The following CPA6 variants were observed in gnomAD, a reference collection of about 807,000 sequenced individuals.
CPA6 encodes carboxypeptidase B.
Under a neutral mutation model 63.3 loss-of-function variants are expected in CPA6, and 58 were observed. The observed-to-expected ratio is 0.92, with a 90% CI of 0.74 to 1.14. CPA6 has a LOEUF of 1.14. CPA6 is among the 50% of genes most tolerant of loss of function. CPA6 has a pLI of 0.00. For synonymous variants in CPA6, 185 were observed against 179.0 expected (o/e 1.03, Z -0.27); for missense variants, 565 against 526.6 (o/e 1.07, Z -0.71).
At chr8:67,577,700 A>C (rs967358273) in intron 2 of CPA6, among the ~76,000 whole-genome samples, 2 of 152,188 alleles carry the variant, frequency 1.3e-5, no homozygotes, top group African/African-American at 2.4e-5. Flanking sequence ...TTAAGCAGTA[A>C]AAATAATTCC....
intron 1 of CPA6, among the ~76,000 whole-genome samples, 182 bp from the exon 2 acceptor site, chr8:67,624,433 T>C (rs1815153016): frequency 1.3e-5 from 2 of 152,244 alleles, no homozygotes; most frequent in Admixed American, 6.5e-5. Context: ...TCTTCTTGTC[T>C]TAAAGCTATT....
intron 2 of CPA6, among the ~76,000 whole-genome samples, chr8:67,595,382 C>T (rs150144165): frequency 0.042 from 6,352 of 152,318 alleles, 228 homozygotes; most frequent in African/African-American, 0.097. Context: ...TCTCCAGCTG[C>T]ATGCTGGGAG....
At chr8:67,625,768 TCTA>T (rs1229699173) in intron 1 of CPA6, among the ~76,000 whole-genome samples, 1 of 152,140 alleles carries the variant, frequency 6.6e-6, no homozygotes, top group Non-Finnish European at 1.5e-5. Flanking sequence ...AAACAAAAAC[TCTA>T]CTATTTCACC....
intron 2 of CPA6, among the ~76,000 whole-genome samples, chr8:67,559,143 A>G (rs1050017011): frequency 6.6e-6 from 1 of 152,168 alleles, no homozygotes; most frequent in African/African-American, 2.4e-5. Flanking sequence ...GTATTTCATA[A>G]GAGTCCATTG....
At chr8:67,512,163 C>T (rs1812055376) in intron 3 of CPA6, among the ~76,000 whole-genome samples, 1 of 152,162 alleles carries the variant, frequency 6.6e-6, no homozygotes, top group African/African-American at 2.4e-5. Context: ...GGAAGGTGAA[C>T]CCAAATTCCA....
intron 2 of CPA6, among the ~76,000 whole-genome samples, chr8:67,531,197 G>T (rs574095442): frequency 6.6e-6 from 1 of 152,208 alleles, no homozygotes; most frequent in East Asian, 1.9e-4. Context: ...ATCAACAGGG[G>T]AAGGGTAAAG....
intron 1 of CPA6, among the ~76,000 whole-genome samples, chr8:67,645,965 T>A (rs1815704757): frequency 6.6e-6 from 1 of 152,206 alleles, no homozygotes; most frequent in Non-Finnish European, 1.5e-5. Flanking sequence ...CTACCCTGCC[T>A]TAACTCTGCT....
intron 6 of CPA6, among the ~76,000 whole-genome samples, chr8:67,494,009 C>T (rs969736117): frequency 1.3e-5 from 2 of 152,044 alleles, no homozygotes; most frequent in Admixed American, 1.3e-4. Context: ...TCAAGTGTAA[C>T]TGAGTTTAGT....
At chr8:67,460,980 C>T (rs1810787208) in intron 8 of CPA6, among the ~76,000 whole-genome samples, 1 of 151,620 alleles carries the variant, frequency 6.6e-6, no homozygotes, top group Non-Finnish European at 1.5e-5. Context: ...TTCCCCACCC[C>T]TTTTCCATTT....
At chr8:67,738,454 G>A (rs1053498994) in intron 1 of CPA6, among the ~76,000 whole-genome samples, 1 of 152,212 alleles carries the variant, frequency 6.6e-6, no homozygotes, top group African/African-American at 2.4e-5. Flanking sequence ...AGCCATAGCT[G>A]TTCTGGAGTT....
At chr8:67,738,395 T>C (rs1431294846) in intron 1 of CPA6, among the ~76,000 whole-genome samples, 2 of 152,192 alleles carry the variant, frequency 1.3e-5, no homozygotes, top group Non-Finnish European at 2.9e-5. Flanking sequence ...ATGTTGAGCA[T>C]GGCAGAGCTG....
chr8:67,428,256 A>G (rs1809939962), intron 9 of CPA6, 125 bp from the exon 10 acceptor site: 2 of 564,310 alleles, frequency 3.5e-6, no homozygotes, highest in Non-Finnish European at 6.2e-6. Context: ...ATATTCATTA[A>G]TAATATTATA....
intron 2 of CPA6, among the ~76,000 whole-genome samples, chr8:67,548,234 C>T (rs564797596): frequency 4.8e-5 from 7 of 145,394 alleles, no homozygotes; most frequent in Admixed American, 4.1e-4. Context: ...CCTCCCCTCC[C>T]CTCTCCTCTC....
intron 1 of CPA6, among the ~76,000 whole-genome samples, chr8:67,692,394 T>C (rs1816832098): frequency 6.6e-6 from 1 of 150,910 alleles, no homozygotes; most frequent in African/African-American, 2.4e-5. Flanking sequence ...AAGGCATATC[T>C]CACTTGCTAA....
intron 2 of CPA6, among the ~76,000 whole-genome samples, chr8:67,593,086 C>A (rs1405297220): frequency 6.7e-6 from 1 of 149,748 alleles, no homozygotes; most frequent in Non-Finnish European, 1.5e-5. Context: ...TATGTTGTGT[C>A]TTTGTTCTCG....
chr8:67,740,783 T>C (rs760622181), intron 1 of CPA6, among the ~76,000 whole-genome samples: 30 of 152,278 alleles, frequency 2.0e-4, no homozygotes, highest in Non-Finnish European at 3.7e-4. Context: ...TTAGCCAGGA[T>C]GGTCTCGAAC....
At chr8:67,647,615 T>C (rs1222086249) in intron 1 of CPA6, among the ~76,000 whole-genome samples, 1 of 152,208 alleles carries the variant, frequency 6.6e-6, no homozygotes, top group African/African-American at 2.4e-5. Context: ...TGTCTCTCAA[T>C]TGTCTCCCAA....
chr8:67,715,961 C>T (rs534946734), intron 1 of CPA6, among the ~76,000 whole-genome samples: 6 of 152,068 alleles, frequency 3.9e-5, no homozygotes, highest in African/African-American at 7.2e-5. Context: ...CGAGATCAGC[C>T]GGACCAACGT....
At chr8:67,466,928 A>T (rs1243488548) in intron 8 of CPA6, among the ~76,000 whole-genome samples, 1 of 152,198 alleles carries the variant, frequency 6.6e-6, no homozygotes, top group African/African-American at 2.4e-5. Flanking sequence ...TACGTATTTT[A>T]CAGAATTAAA....
Sources: allele counts gnomAD v4.1 joint callset (sites outside exome capture counted in the v4.1 genomes callset), GRCh38; gene constraint gnomAD v4.1.1; transcripts MANE v1.5; gene names NCBI Gene and HGNC (gene_info 2026-07-23, HGNC 2026-07-21).